KCND2: variants seen among roughly 807,000 people sequenced by gnomAD.
The protein encoded by KCND2 is potassium voltage-gated channel subfamily D member 2, also known as A-type voltage-gated potassium channel KCND2.
KCND2 carries 16 observed loss-of-function variants against 54.4 expected under a neutral mutation model. That is an observed-to-expected ratio of 0.29 (90% confidence interval 0.20 to 0.45). KCND2 has a LOEUF of 0.45. Among genes scored for constraint, KCND2 ranks in the 20% least tolerant of loss-of-function variants. KCND2 has a pLI of 1.00. For synonymous variants in KCND2, 317 were observed against 310.7 expected, an observed-to-expected ratio of 1.02 and a Z score of -0.21; for missense variants, 486 against 824.2, an observed-to-expected ratio of 0.59 and a Z score of 5.02.
At chr7:120,479,182 C>A (rs1261738590) in intron 1 of KCND2, among the ~76,000 whole-genome samples, 1 of 152,072 alleles carries the variant, frequency 6.6e-6, no homozygotes, top group East Asian at 1.9e-4. Flanking sequence ...AAAGGAAAAG[C>A]AAAATCTCCT....
At chr7:120,396,465 C>T (rs957083131) in intron 1 of KCND2, among the ~76,000 whole-genome samples, 8 of 151,918 alleles carry the variant, frequency 5.3e-5, no homozygotes, top group East Asian at 3.9e-4. Flanking sequence ...TGTTATATTT[C>T]GACATTAATA....
At chr7:120,400,980 A>C (rs1214636570) in intron 1 of KCND2, among the ~76,000 whole-genome samples, 1 of 151,966 alleles carries the variant, frequency 6.6e-6, no homozygotes, top group African/African-American at 2.4e-5. Flanking sequence ...AAGAAGAAGA[A>C]GACCTAAAGT....
chr7:120,735,088 T>C (rs1262375237), intron 2 of KCND2, among the ~76,000 whole-genome samples: 1 of 152,072 alleles, frequency 6.6e-6, no homozygotes, highest in Non-Finnish European at 1.5e-5. Flanking sequence ...TATGGAACCC[T>C]TCATTTTTGG....
chr7:120,280,487 T>C (rs1375759664), intron 1 of KCND2, among the ~76,000 whole-genome samples: 1 of 152,022 alleles, frequency 6.6e-6, no homozygotes, highest in Non-Finnish European at 1.5e-5. Flanking sequence ...TATGCTATTC[T>C]TTTTTATTTT....
intron 1 of KCND2, among the ~76,000 whole-genome samples, chr7:120,587,539 T>C (rs978045890): frequency 1.3e-5 from 2 of 152,150 alleles, no homozygotes; most frequent in Non-Finnish European, 2.9e-5. Flanking sequence ...GATTTTTTTT[T>C]TCCAGACGAA....
intron 1 of KCND2, among the ~76,000 whole-genome samples, chr7:120,283,417 A>T (rs1269062337): frequency 6.6e-6 from 1 of 152,200 alleles, no homozygotes; most frequent in Non-Finnish European, 1.5e-5. Flanking sequence ...CATTTAAAAC[A>T]TTTTTAAATG....
intron 1 of KCND2, among the ~76,000 whole-genome samples, chr7:120,480,262 G>A (rs919143143): frequency 3.3e-5 from 5 of 151,830 alleles, no homozygotes; most frequent in African/African-American, 7.3e-5. Flanking sequence ...CCCTCTTAAC[G>A]GAGAAGTAGA....
intron 1 of KCND2, among the ~76,000 whole-genome samples, chr7:120,312,628 T>A (rs1799754582): frequency 1.3e-5 from 2 of 152,174 alleles, no homozygotes; most frequent in Admixed American, 1.3e-4. Flanking sequence ...CTCAAAGAAT[T>A]ACTTGAATTC....
chr7:120,476,481 G>A (rs552875395), intron 1 of KCND2, among the ~76,000 whole-genome samples: 1 of 152,306 alleles, frequency 6.6e-6, no homozygotes, highest in Non-Finnish European at 1.5e-5. Flanking sequence ...GTTTAACCAA[G>A]TAAGCAAAGT....
intron 1 of KCND2, among the ~76,000 whole-genome samples, chr7:120,468,247 A>G (rs1233995001): frequency 6.6e-6 from 1 of 152,122 alleles, no homozygotes; most frequent in East Asian, 1.9e-4. Flanking sequence ...TTAACTAAGT[A>G]TTTAATTTTA....
At chr7:120,487,094 A>C (rs1383761341) in intron 1 of KCND2, among the ~76,000 whole-genome samples, 3 of 152,200 alleles carry the variant, frequency 2.0e-5, no homozygotes, top group African/African-American at 7.2e-5. Context: ...ACAGTGCAGG[A>C]GCACTCTCAC....
chr7:120,341,112 T>A (rs933392853), intron 1 of KCND2, among the ~76,000 whole-genome samples: 11 of 152,158 alleles, frequency 7.2e-5, no homozygotes, highest in Admixed American at 2.0e-4. Flanking sequence ...TGGGTACATA[T>A]ATGAGGCTGT....
chr7:120,441,163 C>T (rs10265776), intron 1 of KCND2, among the ~76,000 whole-genome samples: 40,188 of 151,820 alleles, frequency 0.26, 7,543 homozygotes, highest in East Asian at 0.56. Flanking sequence ...AATTGAGCAC[C>T]GTTCTGTAGA....
At chr7:120,356,591 G>T (rs1479593941) in intron 1 of KCND2, among the ~76,000 whole-genome samples, 1 of 152,020 alleles carries the variant, frequency 6.6e-6, no homozygotes, top group Non-Finnish European at 1.5e-5. Context: ...GCCCACTGTT[G>T]GGGTATAATC....
intron 1 of KCND2, among the ~76,000 whole-genome samples, chr7:120,674,164 C>G (rs532823402): frequency 6.6e-6 from 1 of 152,006 alleles, no homozygotes; most frequent in African/African-American, 2.4e-5. Context: ...TCAGCCTCCC[C>G]AAGTGCAGGG....
At chr7:120,686,510 A>G (rs1239278408) in intron 1 of KCND2, among the ~76,000 whole-genome samples, 1 of 150,972 alleles carries the variant, frequency 6.6e-6, no homozygotes, top group East Asian at 1.9e-4. Flanking sequence ...GGCATAAGAC[A>G]GAGTTGGAGG....
chr7:120,372,369 C>T (rs747775812), intron 1 of KCND2, among the ~76,000 whole-genome samples: 52 of 151,788 alleles, frequency 3.4e-4, no homozygotes, highest in Admixed American at 1.2e-3. Flanking sequence ...AAAAAAAATG[C>T]AGAATTCTCT....
chr7:120,295,190 G>T (rs1455414658), intron 1 of KCND2, among the ~76,000 whole-genome samples: 2 of 151,846 alleles, frequency 1.3e-5, no homozygotes, highest in South Asian at 2.1e-4. Flanking sequence ...TTATTGTAAT[G>T]TTCTGTTTCA....
At chr7:120,567,679 C>T (rs1309967094) in intron 1 of KCND2, among the ~76,000 whole-genome samples, 2 of 152,000 alleles carry the variant, frequency 1.3e-5, no homozygotes, top group Non-Finnish European at 2.9e-5. Flanking sequence ...ATAATTGCTT[C>T]CTGACATGAT....
Sources: gnomAD v4.1 joint callset for allele counts (sites outside exome capture counted in the v4.1 genomes callset) on GRCh38, gnomAD v4.1.1 for gene constraint, MANE v1.5 for transcripts, NCBI Gene and HGNC (gene_info 2026-07-23, HGNC 2026-07-21) for gene names.